Variants in BCAS3 observed in about 807,000 individuals in gnomAD.
BCAS3 encodes the protein BCAS4/BCAS3 fusion.
In BCAS3, 53 loss-of-function variants were observed where a neutral mutation model predicts 116.1. That is an observed-to-expected ratio of 0.46 (90% CI 0.37 to 0.57). BCAS3 has a LOEUF of 0.57. BCAS3 is among the 20% of genes least tolerant of loss of function. The pLI is 0.00. For synonymous variants in BCAS3, 391 were observed against 408.2 expected (o/e 0.96, Z 0.51); for missense variants, 917 against 1,165.4 (o/e 0.79, Z 3.10).
intron 5 of BCAS3, among the ~76,000 whole-genome samples, chr17:60,736,350 A>T (rs2040958386): frequency 1.3e-5 from 2 of 150,604 alleles, no homozygotes; most frequent in Admixed American, 6.6e-5. Flanking sequence ...TGCCCAGCTA[A>T]TTTTTTTGTA....
intron 22 of BCAS3, among the ~76,000 whole-genome samples, chr17:61,293,835 A>T (rs1311755409): frequency 6.6e-6 from 1 of 152,212 alleles, no homozygotes; most frequent in African/African-American, 2.4e-5. Flanking sequence ...ATCTCAGCTC[A>T]CGGCAACCTC....
In BCAS3 at chr17:61,302,542, T is replaced by C. The variant is rs1241216598; in HGVS notation, c.2426-65785T>C. Among the ~76,000 whole-genome samples, 2 of 152,204 alleles carry C rather than the reference T, an allele frequency of 1.3e-5. No homozygotes were observed. The highest frequency in any genetic ancestry group is 4.8e-5 in the African/African-American group (2 of 41,442). On this transcript the variant is annotated intron_variant, in intron 22 of 23. Transcript: ENST00000407086. This position sits in a 1 kb window ranked among gnomAD's most constrained non-coding sequence, Gnocchi z 4.4. Reference sequence around the variant, plus strand: ...GTATTGTTACACTATTTTTAGATAGTCTCCTTATCTGAAGTCCTAGGCTAT... The same window carrying C: ...GTATTGTTACACTATTTTTAGATAGCCTCCTTATCTGAAGTCCTAGGCTAT...
intron 9 of BCAS3, among the ~76,000 whole-genome samples, chr17:60,880,269 CTT>C (rs370659364): frequency 1.0e-4 from 15 of 147,268 alleles, no homozygotes; most frequent in African/African-American, 2.7e-4. Flanking sequence ...AGGATGTTCA[CTT>C]TTTTTTTTTT....
intron 6 of BCAS3, among the ~76,000 whole-genome samples, chr17:60,758,356 T>C (rs975800302): frequency 5.9e-5 from 9 of 152,210 alleles, no homozygotes; most frequent in Non-Finnish European, 1.3e-4. Flanking sequence ...GTTTCATTGA[T>C]ACTTTGTATT....
At position 60,967,970 on chromosome 17, in the gene BCAS3, G is replaced by C. The variant is rs988312030; in HGVS notation, c.1221+20618G>C. Among the ~76,000 whole-genome samples, 1 of 151,982 alleles carries C rather than the reference G, an allele frequency of 6.6e-6. No individual in the cohort carries two copies. Among genetic ancestry groups the C allele is most frequent in the Non-Finnish European group, 1.5e-5 (1 of 68,006 alleles). ...TGTGTTTGTTGTTGTTGTTGTTGTT[G>C]TTGTTGTTTTGGAGATCACTGAGTT... On this transcript the variant is annotated intron_variant, in intron 14 of 23. Transcript: ENST00000407086. The surrounding 1 kb of genome is among the most constrained non-coding windows in gnomAD (Gnocchi z 4.7).
chr17:61,126,091 A>C lies in BCAS3; in HGVS notation c.2425+41527A>C, dbSNP rs1269781845. 6.6e-6 allele frequency among the ~76,000 whole-genome samples: 1 copy of C among 152,154 alleles called. No homozygotes were observed. The highest frequency in any genetic ancestry group is 1.5e-5 in the Non-Finnish European group (1 of 67,992). On this transcript the variant is annotated intron_variant, in intron 22 of 23. Coordinates refer to ENST00000407086, the MANE Select transcript of BCAS3 (RefSeq NM_017679.5). This position sits in a 1 kb window ranked among gnomAD's most constrained non-coding sequence, Gnocchi z 4.6. ...GGAAGCAGTAATAAATTGTGAATGA[A>C]TCTTTTGCTTTTTACTTAAGATTAC...
At chr17:60,767,719 T>A (rs1042578012) in intron 6 of BCAS3, among the ~76,000 whole-genome samples, 1 of 152,200 alleles carries the variant, frequency 6.6e-6, no homozygotes, top group African/African-American at 2.4e-5. Flanking sequence ...ATTTCCTTGC[T>A]TTTTCATGTG....
chr17:61,219,047 C>A lies in BCAS3; in HGVS notation c.2425+134483C>A, dbSNP rs536720734. Among the ~76,000 whole-genome samples the A allele has an allele frequency of 6.6e-6, 1 of 152,278 alleles. No homozygotes were observed. The highest frequency in any genetic ancestry group is 1.9e-4 in the East Asian group (1 of 5,190). The stretch of plus-strand genomic sequence containing the variant: ...GATCTCCCTCCTCATTTTCTGTTTG[C>A]TGATAAAGGATGGCTCTCTAGAATT... On this transcript the variant is annotated intron_variant, in intron 22 of 23. Transcript: ENST00000407086. The surrounding 1 kb of genome is among the most constrained non-coding windows in gnomAD (Gnocchi z 5.2).
At chr17:60,694,647 AT>A (rs112280067) in intron 4 of BCAS3, among the ~76,000 whole-genome samples, 15,352 of 142,396 alleles carry the variant, frequency 0.11, 1,786 homozygotes, top group African/African-American at 0.3. Context: ...CATGGTCTTA[AT>A]TTTTTTTTTT....
At chr17:60,954,045 G>A (rs979855240) in intron 14 of BCAS3, among the ~76,000 whole-genome samples, 2 of 152,060 alleles carry the variant, frequency 1.3e-5, no homozygotes, top group African/African-American at 2.4e-5. Context: ...TTTATATGAT[G>A]TAAGGAAGGG....
intron 7 of BCAS3, among the ~76,000 whole-genome samples, chr17:60,832,485 A>C (rs545445072): frequency 6.6e-6 from 1 of 152,314 alleles, no homozygotes; most frequent in South Asian, 2.1e-4. Flanking sequence ...ACAAAAATAG[A>C]GTAATTGTTT....
intron 22 of BCAS3, among the ~76,000 whole-genome samples, chr17:61,289,928 G>C (rs537087371): frequency 6.6e-6 from 1 of 152,206 alleles, no homozygotes; most frequent in East Asian, 1.9e-4. Flanking sequence ...ATTTTGCCCC[G>C]TGTCCTTGCC....
rs1791164765 is a variant in BCAS3, at chr17:60,684,051, G to A, written c.138+15G>A. On this transcript the variant is annotated intron_variant, in intron 3 of 23. Transcript: ENST00000407086. ...TTGTGCCACAGGTAAGTGTCTATAT[G>A]TGCTTTCGCCTTTCCCTTTGGTCAG... The A allele has an allele frequency of 6.2e-7, 1 of 1,612,226 alleles. No homozygotes were observed. The highest frequency in any genetic ancestry group is 8.5e-7 in the Non-Finnish European group (1 of 1,178,808).
intron 7 of BCAS3, 70 bp downstream of exon 7, chr17:60,808,146 A>G: frequency 1.8e-6 from 2 of 1,085,748 alleles, no homozygotes; most frequent in African/African-American, 1.6e-5. Flanking sequence ...GAGAACTTTG[A>G]TGTTATAAAA....
chr17:61,209,868 C>T (rs1214391647), intron 22 of BCAS3, among the ~76,000 whole-genome samples: 2 of 152,186 alleles, frequency 1.3e-5, no homozygotes, highest in Non-Finnish European at 2.9e-5. Flanking sequence ...CAGCTTGTAT[C>T]TTGAAGGCCA....
At position 60,769,923 on chromosome 17, in the gene BCAS3, C is replaced by T. The variant is rs373060571; in HGVS notation, c.403+22644C>T. Among the ~76,000 whole-genome samples, 62 of 151,702 alleles carry T rather than the reference C, an allele frequency of 4.1e-4. 1 individual carries two copies. The highest frequency in any genetic ancestry group is 1.3e-3 in the African/African-American group (54 of 41,362). On this transcript the variant is annotated intron_variant, in intron 6 of 23. Transcript: ENST00000407086. ...CTGAGTAGCTGGGATTACAGGTGCC[C>T]GCCACCATGCCCAGCTAATTTTTGT...
chr17:60,899,593 G>T (rs192954244), intron 10 of BCAS3, among the ~76,000 whole-genome samples: 1 of 152,062 alleles, frequency 6.6e-6, no homozygotes, highest in Admixed American at 6.5e-5. Context: ...CACTTCCTGG[G>T]TTCAAGCAGT....
At chr17:60,722,715 T>C (rs1307457688) in intron 5 of BCAS3, among the ~76,000 whole-genome samples, 1 of 149,744 alleles carries the variant, frequency 6.7e-6, no homozygotes, top group African/African-American at 2.5e-5. Context: ...GAGCCGAGAT[T>C]GCGCCACTGC....
At chr17:61,262,845 G>A (rs1220210930) in intron 22 of BCAS3, among the ~76,000 whole-genome samples, 3 of 151,348 alleles carry the variant, frequency 2.0e-5, no homozygotes, top group Non-Finnish European at 4.4e-5. Flanking sequence ...GGCATGTGCC[G>A]CCACCCCCGG....
Sources: allele counts gnomAD v4.1 joint callset (sites outside exome capture counted in the v4.1 genomes callset), GRCh38; gene constraint gnomAD v4.1.1; non-coding constraint Gnocchi (gnomAD v3.1); transcripts MANE v1.5; gene names NCBI Gene and HGNC (gene_info 2026-07-23, HGNC 2026-07-21).